Variants in ATE1 observed in about 807,000 individuals in gnomAD.
The protein encoded by ATE1 is arginyl-tRNA--protein transferase 1.
In ATE1, 36 loss-of-function variants were observed where a neutral mutation model predicts 70.5. The observed-to-expected ratio is 0.51, with a 90% CI of 0.39 to 0.67. ATE1 has a LOEUF of 0.67. ATE1 is among the 30% of genes least tolerant of loss of function. The pLI, the probability that ATE1 is intolerant of heterozygous loss-of-function variation, is 0.00. For missense variants in ATE1, 593 were observed against 629.5 expected, an observed-to-expected ratio of 0.94 and a Z score of 0.62; for synonymous variants, 232 against 219.3, an observed-to-expected ratio of 1.06 and a Z score of -0.51.
chr10:121,888,136 T>A (rs186833641), intron 7 of ATE1, among the ~76,000 whole-genome samples: 186 of 152,312 alleles, frequency 1.2e-3, no homozygotes, highest in African/African-American at 4.2e-3. Flanking sequence ...GGCTCACGCC[T>A]GTAATCCCAG....
chr10:121,810,537 C>T (rs1195199793), intron 10 of ATE1, among the ~76,000 whole-genome samples: 1 of 151,808 alleles, frequency 6.6e-6, no homozygotes, highest in African/African-American at 2.4e-5. Flanking sequence ...CCCAAAGTGA[C>T]AGGATTACAG....
Position 121,832,484 on chromosome 10 carries a change from C to T in ATE1, c.1257+4234G>A, listed in dbSNP as rs367790817. Reference sequence around the variant, plus strand: ...TTGAATTGTACTCCCATAATTTGCACGTGTTGTGGGAGGGACCTAGTGGGA... The same window carrying T: ...TTGAATTGTACTCCCATAATTTGCATGTGTTGTGGGAGGGACCTAGTGGGA... On this transcript the variant is annotated intron_variant, in intron 10 of 11. Transcript: ENST00000224652. Among the ~76,000 whole-genome samples, 8 of 152,254 alleles carry T rather than the reference C, an allele frequency of 5.3e-5. No individual in the cohort carries two copies. In the South Asian group the frequency reaches 1.0e-3, roughly 20 times the overall value.
At chr10:121,897,119 C>T (rs1211013044) in intron 7 of ATE1, among the ~76,000 whole-genome samples, 2 of 152,134 alleles carry the variant, frequency 1.3e-5, no homozygotes, top group Non-Finnish European at 2.9e-5. Context: ...AATCCAATGG[C>T]TAATTCTAAA....
intron 8 of ATE1, among the ~76,000 whole-genome samples, chr10:121,844,430 A>T (rs1948742022): frequency 6.6e-6 from 1 of 152,242 alleles, no homozygotes; most frequent in Non-Finnish European, 1.5e-5. Context: ...TGAAATCCAA[A>T]AACTGAATAA....
chr10:121,865,368 T>C (rs976026224), intron 8 of ATE1, among the ~76,000 whole-genome samples: 3 of 152,148 alleles, frequency 2.0e-5, no homozygotes, highest in Admixed American at 1.3e-4. Context: ...GGTTTAACTT[T>C]TGTTATAAAT....
intron 7 of ATE1, among the ~76,000 whole-genome samples, chr10:121,885,910 A>G (rs1161078494): frequency 6.6e-6 from 1 of 151,862 alleles, no homozygotes; most frequent in African/African-American, 2.4e-5. Context: ...TAAATAAATA[A>G]ATAAATATTA....
intron 5 of ATE1, among the ~76,000 whole-genome samples, chr10:121,909,857 T>C (rs1040523353): frequency 6.6e-6 from 1 of 151,866 alleles, no homozygotes; most frequent in African/African-American, 2.4e-5. Context: ...CCAGCCTGGG[T>C]AATATAGTGA....
rs970190935 is a variant in ATE1, at chr10:121,741,871, G to T, written c.*1809C>A. Reference sequence around the variant, plus strand: ...CATGACAGTTCTTTTCTCCTTCTGAGTATGGTAGGGTTGTAGATGATTTTT... The same window carrying T: ...CATGACAGTTCTTTTCTCCTTCTGATTATGGTAGGGTTGTAGATGATTTTT... On this transcript the variant is annotated 3_prime_UTR_variant, in exon 12 of 12. Transcript: ENST00000224652. 6.6e-6 allele frequency: 1 copy of T among 152,142 alleles called. No homozygotes were observed. Among genetic ancestry groups the T allele is most frequent in the African/African-American group, 2.4e-5 (1 of 41,422 alleles). 9.4% of individuals were successfully genotyped at this position (152,142 alleles called of 1,614,324 possible).
At chr10:121,900,767 C>A (rs1347996190) in intron 6 of ATE1, among the ~76,000 whole-genome samples, 15 of 152,150 alleles carry the variant, frequency 9.9e-5, no homozygotes, top group African/African-American at 3.6e-4. Flanking sequence ...CTCTATACAT[C>A]CTGAGTATCA....
intron 8 of ATE1, among the ~76,000 whole-genome samples, chr10:121,860,383 C>T (rs545284397): frequency 2.0e-5 from 3 of 152,314 alleles, no homozygotes; most frequent in East Asian, 1.9e-4. Flanking sequence ...ACTGTATCAA[C>T]GTGCTCTAGT....
At chr10:121,801,141 C>T (rs1039440885) in intron 10 of ATE1, among the ~76,000 whole-genome samples, 4 of 152,158 alleles carry the variant, frequency 2.6e-5, no homozygotes, top group African/African-American at 9.7e-5. Context: ...TTCTGAAAGC[C>T]AACAGATGTA....
At chr10:121,890,923 GATTA>G (rs151094332) in intron 7 of ATE1, among the ~76,000 whole-genome samples, 2,193 of 152,128 alleles carry the variant, frequency 0.014, 62 homozygotes, top group African/African-American at 0.05. Flanking sequence ...ACACATACTG[GATTA>G]ATTTACAAAG....
chr10:121,814,476 A>C (rs780494777), intron 10 of ATE1, among the ~76,000 whole-genome samples: 44 of 152,350 alleles, frequency 2.9e-4, no homozygotes, highest in Non-Finnish European at 4.9e-4. Flanking sequence ...ATGACTTCTC[A>C]GCACTGTCAT....
At chr10:121,763,822 T>G (rs1945160521) in intron 11 of ATE1, among the ~76,000 whole-genome samples, 1 of 152,060 alleles carries the variant, frequency 6.6e-6, no homozygotes, top group African/African-American at 2.4e-5. Flanking sequence ...GAGACCAGCC[T>G]GGCCAACATG....
intron 10 of ATE1, among the ~76,000 whole-genome samples, chr10:121,801,481 A>C (rs1215099359): frequency 6.6e-6 from 1 of 152,200 alleles, no homozygotes; most frequent in Non-Finnish European, 1.5e-5. Flanking sequence ...TTAATTTCAA[A>C]CTGAAGGGTC....
chr10:121,924,753 T>C (rs1340740202), intron 1 of ATE1, among the ~76,000 whole-genome samples: 1 of 151,626 alleles, frequency 6.6e-6, no homozygotes, highest in African/African-American at 2.4e-5. Flanking sequence ...AACACTCATA[T>C]TGGATAAATG....
At chr10:121,850,849 T>C (rs537864090) in intron 8 of ATE1, among the ~76,000 whole-genome samples, 3 of 152,184 alleles carry the variant, frequency 2.0e-5, no homozygotes, top group Non-Finnish European at 4.4e-5. Flanking sequence ...CCCAGCACTT[T>C]GGGAGGCCAA....
chr10:121,830,101 T>C (rs1948178111), intron 10 of ATE1, among the ~76,000 whole-genome samples: 1 of 152,238 alleles, frequency 6.6e-6, no homozygotes, highest in South Asian at 2.1e-4. Flanking sequence ...AGATCTACTT[T>C]AATAAGCAGA....
chr10:121,927,847 TG>T lies in ATE1; in HGVS notation c.102del (p.Asn35MetfsTer8). 2 of 1,572,408 alleles carry T rather than the reference TG, an allele frequency of 1.3e-6. No individual in the cohort carries two copies. The highest frequency in any genetic ancestry group is 1.7e-6 in the Non-Finnish European group (2 of 1,162,382). ...CCCGCCGGCCCGGCTCGCTCACCATTGGAGCGGCTGCCCGACTCGTTCTTGC... is the reference window on the plus strand; with the variant it reads ...CCCGCCGGCCCGGCTCGCTCACCATTGAGCGGCTGCCCGACTCGTTCTTGC... ...GYCKNESGSRSNGMWAHSMTV... is the reference protein window; with the variant it reads ...GYCKNESGSRXNGMWAHSMTV... On this transcript the variant is annotated frameshift_variant, in exon 1 of 12. Transcript: ENST00000224652. LOFTEE classifies it high-confidence loss of function.
Sources: gnomAD v4.1 joint callset for allele counts (sites outside exome capture counted in the v4.1 genomes callset) on GRCh38, gnomAD v4.1.1 for gene constraint, MANE v1.5 for transcripts, NCBI Gene and HGNC (gene_info 2026-07-23, HGNC 2026-07-21) for gene names.